The following CNTNAP2 variants were observed in gnomAD, a reference collection of about 807,000 sequenced individuals.
The protein encoded by CNTNAP2 is contactin associated protein 2.
CNTNAP2 carries 98 observed loss-of-function variants against 155.2 expected under a neutral mutation model. That is an observed-to-expected ratio of 0.63 (90% CI 0.54 to 0.75). The LOEUF is 0.75. CNTNAP2 is among the 30% of genes least tolerant of loss of function. CNTNAP2 has a pLI of 0.00. For synonymous variants in CNTNAP2, 651 were observed against 631.2 expected, an observed-to-expected ratio of 1.03 and a Z score of -0.47; for missense variants, 1,727 against 1,688.1, an observed-to-expected ratio of 1.02 and a Z score of -0.40.
intron 9 of CNTNAP2, among the ~76,000 whole-genome samples, chr7:147,393,483 C>CAAAAAAAAA (rs753538177): frequency 1.1e-5 from 1 of 89,368 alleles, no homozygotes; most frequent in African/African-American, 3.9e-5. Context: ...CCCAATTATT[C>CAAAAAAAAA]AAAAAAAAAA....
chr7:147,758,570 A>C (rs1231823013), intron 13 of CNTNAP2, among the ~76,000 whole-genome samples: 3 of 152,154 alleles, frequency 2.0e-5, no homozygotes, highest in African/African-American at 7.2e-5. Context: ...ATGACTGGAC[A>C]TGGTGGCTCA....
At chr7:146,982,338 C>A (rs181477549) in intron 3 of CNTNAP2, among the ~76,000 whole-genome samples, 1 of 151,968 alleles carries the variant, frequency 6.6e-6, no homozygotes, top group Non-Finnish European at 1.5e-5. Context: ...TTATGTACTA[C>A]AAAATTTTAA....
chr7:146,789,802 A>C (rs1802638894), intron 2 of CNTNAP2, among the ~76,000 whole-genome samples: 1 of 151,406 alleles, frequency 6.6e-6, no homozygotes, highest in African/African-American at 2.4e-5. Flanking sequence ...TTCAAAACAC[A>C]CCTGGGAAAA....
At chr7:146,204,695 T>C (rs1262141263) in intron 1 of CNTNAP2, among the ~76,000 whole-genome samples, 1 of 152,108 alleles carries the variant, frequency 6.6e-6, no homozygotes, top group Non-Finnish European at 1.5e-5. Flanking sequence ...ATCTTAGATA[T>C]TTAAACTACA....
At chr7:148,120,485 T>C (rs73168594) in intron 16 of CNTNAP2, among the ~76,000 whole-genome samples, 97 of 152,170 alleles carry the variant, frequency 6.4e-4, no homozygotes, top group Non-Finnish European at 1.2e-3. Context: ...CAGGCTGGTC[T>C]CAAACCCCTG....
rs1798575038 is a variant in CNTNAP2 at position 147,832,845 on chromosome 7, C to CT, written c.2099-70720_2099-70719insT. Reference sequence around the variant, plus strand: ...TATATATTTATTCTATAATATAGATCATTATATTTATACATATTTTATATG... The same window carrying CT: ...TATATATTTATTCTATAATATAGATCTATTATATTTATACATATTTTATATG... On this transcript the variant is annotated intron_variant, in intron 13 of 23. Transcript: ENST00000361727. 5.8e-4 allele frequency among the ~76,000 whole-genome samples: 7 copies of CT among 12,044 alleles called. No individual in the cohort carries two copies. In the South Asian group the frequency reaches 0.014, roughly 23 times the overall value. The allele number at this position is 12,044 out of a possible 152,430, so 7.9% of individuals were successfully genotyped here.
chr7:147,486,073 T>G (rs1403574881), intron 11 of CNTNAP2, 32 bp downstream of exon 11: 1 of 1,563,428 alleles, frequency 6.4e-7, no homozygotes, highest in South Asian at 1.1e-5. Flanking sequence ...TTTAATCTTG[T>G]AATTGCATGA....
chr7:147,226,717 A>G (rs1252188334), intron 8 of CNTNAP2, among the ~76,000 whole-genome samples: 1 of 152,088 alleles, frequency 6.6e-6, no homozygotes, highest in African/African-American at 2.4e-5. Flanking sequence ...TCTTTTGGAG[A>G]TTTTCCCAGA....
intron 9 of CNTNAP2, among the ~76,000 whole-genome samples, chr7:147,374,714 A>G (rs528789622): frequency 2.6e-5 from 4 of 152,126 alleles, no homozygotes; most frequent in Admixed American, 2.6e-4. Flanking sequence ...CTCTGGCTAT[A>G]TTCTGGAAAC....
intron 4 of CNTNAP2, among the ~76,000 whole-genome samples, chr7:147,094,322 C>G (rs1173786212): frequency 1.3e-5 from 2 of 151,782 alleles, no homozygotes; most frequent in Non-Finnish European, 2.9e-5. Flanking sequence ...CAGCTCTCCT[C>G]TTTTCTTCTT....
intron 17 of CNTNAP2, among the ~76,000 whole-genome samples, chr7:148,153,564 C>T (rs981212748): frequency 1.3e-5 from 2 of 152,130 alleles, no homozygotes; most frequent in African/African-American, 4.8e-5. Flanking sequence ...CTCAGCCAGC[C>T]CAGGTGTTCG....
chr7:147,459,003 A>G (rs1423415807), intron 10 of CNTNAP2, among the ~76,000 whole-genome samples: 3 of 151,984 alleles, frequency 2.0e-5, no homozygotes, highest in Non-Finnish European at 4.4e-5. Context: ...CCACTATATT[A>G]TGGTTTATTA....
chr7:146,433,467 T>C (rs1035909713), intron 1 of CNTNAP2, among the ~76,000 whole-genome samples: 3 of 152,070 alleles, frequency 2.0e-5, no homozygotes, highest in Admixed American at 6.6e-5. Flanking sequence ...TGATTGAAAA[T>C]ACACATTGAC....
chr7:146,352,493 C>G (rs941481022), intron 1 of CNTNAP2, among the ~76,000 whole-genome samples: 2 of 151,980 alleles, frequency 1.3e-5, no homozygotes, highest in Non-Finnish European at 2.9e-5. Context: ...ATAAGCCTAA[C>G]AGTCATAGAA....
At chr7:148,209,067 G>T (rs1181531868) in intron 18 of CNTNAP2, among the ~76,000 whole-genome samples, 2 of 151,922 alleles carry the variant, frequency 1.3e-5, no homozygotes, top group Non-Finnish European at 1.5e-5. Flanking sequence ...GACTTTTTTG[G>T]CTCTTTGACT....
intron 15 of CNTNAP2, among the ~76,000 whole-genome samples, chr7:148,035,732 A>G (rs1165188725): frequency 6.6e-6 from 1 of 152,140 alleles, no homozygotes; most frequent in Non-Finnish European, 1.5e-5. Context: ...AAACCCCACA[A>G]CCCTGACCCC....
intron 15 of CNTNAP2, among the ~76,000 whole-genome samples, chr7:147,999,319 G>T (rs891903012): frequency 6.6e-6 from 1 of 152,036 alleles, no homozygotes; most frequent in Non-Finnish European, 1.5e-5. Context: ...CAGGTGATCC[G>T]CCCACCTCGG....
chr7:147,266,272 G>A (rs1258197927), intron 8 of CNTNAP2, among the ~76,000 whole-genome samples: 1 of 152,192 alleles, frequency 6.6e-6, no homozygotes, highest in African/African-American at 2.4e-5. Flanking sequence ...AGAATAACCA[G>A]TTGAGAGAGA....
At chr7:147,350,552 G>A (rs1245664173) in intron 9 of CNTNAP2, among the ~76,000 whole-genome samples, 2 of 151,694 alleles carry the variant, frequency 1.3e-5, no homozygotes, top group African/African-American at 4.8e-5. Flanking sequence ...TAAAATTCTT[G>A]TCTAGTTCCC....
Sources: gnomAD v4.1 joint callset for allele counts (sites outside exome capture counted in the v4.1 genomes callset) on GRCh38, gnomAD v4.1.1 for gene constraint, MANE v1.5 for transcripts, NCBI Gene and HGNC (gene_info 2026-07-23, HGNC 2026-07-21) for gene names.